The following ZNF718 variants were observed in gnomAD, a reference collection of about 807,000 sequenced individuals.
The protein encoded by ZNF718 is zinc finger protein 718.
A neutral mutation model predicts 2.6 loss-of-function variants in ZNF718; 3 were observed. That is an observed-to-expected ratio of 1.16 (90% CI 0.53 to 3.01). The LOEUF is 3.01. Among genes scored for constraint, ZNF718 ranks in the 30% most tolerant of loss-of-function variants. The probability of loss-of-function intolerance (pLI) is 0.03; values close to 1 mark genes in which losing one functional copy is unlikely to be tolerated. For synonymous variants in ZNF718, 135 were observed against 77.9 expected (o/e 1.73, Z -3.86); for missense variants, 468 against 230.0 (o/e 2.03, Z -6.69).
chr4:172,198 A>C (rs1457879983), intron 3 of ZNF718, among the ~76,000 whole-genome samples: 2 of 152,166 alleles, frequency 1.3e-5, no homozygotes, highest in Non-Finnish European at 2.9e-5. Context: ...TTTTTTTCTG[A>C]ATAAACAAGC....
At chr4:146,077 C>CTATATAGATATA (rs1716044580) in intron 3 of ZNF718, among the ~76,000 whole-genome samples, 1 of 143,030 alleles carries the variant, frequency 7.0e-6, no homozygotes, top group South Asian at 2.2e-4. Context: ...ATATAGCCTT[C>CTATATAGATATA]TATATATATA....
intron 3 of ZNF718, among the ~76,000 whole-genome samples, chr4:159,040 C>CTTTTTTTTTTTTTTTTTTTTT (rs201288037): frequency 7.3e-6 from 1 of 136,404 alleles, no homozygotes; most frequent in Non-Finnish European, 1.6e-5. Context: ...TTTCTTTTTT[C>CTTTTTTTTTTTTTTTTTTTTT]TTTTTTTTTT....
chr4:136,715 T>C (rs1715588348), intron 3 of ZNF718, among the ~76,000 whole-genome samples: 1 of 152,250 alleles, frequency 6.6e-6, no homozygotes, highest in Non-Finnish European at 1.5e-5. Flanking sequence ...ATTAGTATCT[T>C]ATTTCACTTA....
In ZNF718 at chr4:141,927, T is replaced by C. The variant is rs1581433750; in HGVS notation, c.226+10422T>C. On this transcript the variant is annotated intron_variant, in intron 3 of 3. Coordinates refer to ENST00000510175, the MANE Select transcript of ZNF718 (RefSeq NM_001039127.6). ...GTTATTTTCAATGCATGTTTTCTGTTGTATAAAAGCTTTACTATGCAAGGA... is the reference window on the plus strand; with the variant it reads ...GTTATTTTCAATGCATGTTTTCTGTCGTATAAAAGCTTTACTATGCAAGGA... The C allele has an allele frequency of 7.0e-6, 3 of 430,874 alleles. No individual in the cohort carries two copies. The East Asian group carries it at 1.8e-4, about 26-fold the overall frequency. 26.7% of individuals were successfully genotyped at this position (430,874 alleles called of 1,614,324 possible). A position where few individuals can be genotyped will look rare whatever the true frequency, so the allele number is the denominator to read the frequency against.
chr4:185,598 T>G (rs187712336), intron 3 of ZNF718, among the ~76,000 whole-genome samples: 35 of 152,330 alleles, frequency 2.3e-4, no homozygotes, highest in Non-Finnish European at 8.8e-5. Flanking sequence ...AATGGCTTGT[T>G]AAAGTACCCC....
At chr4:147,647 TC>T (rs1716126673) in intron 3 of ZNF718, among the ~76,000 whole-genome samples, 1 of 152,126 alleles carries the variant, frequency 6.6e-6, no homozygotes, top group African/African-American at 2.4e-5. Flanking sequence ...GTGAATTGCC[TC>T]AGCTCAGGAG....
At chr4:199,201 A>G (rs1309109477) in intron 3 of ZNF718, among the ~76,000 whole-genome samples, 3 of 152,290 alleles carry the variant, frequency 2.0e-5, no homozygotes, top group Non-Finnish European at 4.4e-5. Flanking sequence ...GGGGCATAAT[A>G]ACTGTGCCTC....
At chr4:160,773 G>A (rs1320779113) in intron 3 of ZNF718, 139 bp from the exon 4 acceptor site, 4 of 570,408 alleles carry the variant, frequency 7.0e-6, no homozygotes, top group Middle Eastern at 4.7e-4. Context: ...GGCTGGTCTC[G>A]AACTCCTTAC....
chr4:143,446 A>G (rs61792256), intron 3 of ZNF718, among the ~76,000 whole-genome samples: 27,592 of 152,102 alleles, frequency 0.18, 2,669 homozygotes, highest in Admixed American at 0.26. Context: ...TTAGCCTCCC[A>G]AAGTGCTAGG....
chr4:155,713 CTG>C (rs1332809218), intron 3 of ZNF718, among the ~76,000 whole-genome samples: 1 of 152,144 alleles, frequency 6.6e-6, no homozygotes, highest in South Asian at 2.1e-4. Flanking sequence ...TGAGACTTGA[CTG>C]TGGACTTGTG....
chr4:129,726 C>T lies in ZNF718; in HGVS notation c.4-1062C>T, dbSNP rs1457730645. Among the ~76,000 whole-genome samples, 3 of 102,298 alleles carry T rather than the reference C, an allele frequency of 2.9e-5. 1 individual carries two copies. In the East Asian group the frequency reaches 1.6e-3, roughly 55 times the overall value. 67.1% of individuals were successfully genotyped at this position (102,298 alleles called of 152,430 possible). A position where few individuals can be genotyped will look rare whatever the true frequency, so the allele number is the denominator to read the frequency against. ...TTCCTCTGAATTGCACTTAGCACTT[C>T]CTTTCTGTATCTGTCCCGTCTCTCT... On this transcript the variant is annotated intron_variant, in intron 1 of 3. Coordinates refer to ENST00000510175, the MANE Select transcript of ZNF718 (RefSeq NM_001039127.6).
intron 3 of ZNF718, among the ~76,000 whole-genome samples, chr4:193,643 G>A (rs1007132753): frequency 4.6e-5 from 7 of 152,128 alleles, no homozygotes; most frequent in Non-Finnish European, 8.8e-5. Flanking sequence ...GATAGTGACA[G>A]ATCTGGAGGA....
chr4:170,058 C>G (rs1717185725), intron 3 of ZNF718, among the ~76,000 whole-genome samples: 1 of 150,916 alleles, frequency 6.6e-6, no homozygotes, highest in Non-Finnish European at 1.5e-5. Flanking sequence ...GACAAAATCT[C>G]TCAGCATTTG....
At chr4:177,123 T>A (rs906295127) in intron 3 of ZNF718, among the ~76,000 whole-genome samples, 1 of 152,178 alleles carries the variant, frequency 6.6e-6, no homozygotes, top group Non-Finnish European at 1.5e-5. Context: ...TTTATCTAAT[T>A]TCCTTCCACA....
chr4:180,507 G>A (rs1287222806), intron 3 of ZNF718, among the ~76,000 whole-genome samples: 2 of 152,188 alleles, frequency 1.3e-5, no homozygotes, highest in African/African-American at 4.8e-5. Flanking sequence ...ATTTCACTCT[G>A]ACCAGATTAG....
At chr4:196,002 T>A (rs906983750) in intron 3 of ZNF718, among the ~76,000 whole-genome samples, 2 of 152,110 alleles carry the variant, frequency 1.3e-5, no homozygotes, top group Non-Finnish European at 2.9e-5. Context: ...TCTGCTTCTC[T>A]TTCCTCTCTC....
At chr4:196,578 A>G (rs1252250838) in intron 3 of ZNF718, among the ~76,000 whole-genome samples, 1 of 152,150 alleles carries the variant, frequency 6.6e-6, no homozygotes, top group Non-Finnish European at 1.5e-5. Flanking sequence ...GTCAGAAGGA[A>G]AGGTAGGGGT....
At chr4:187,281 C>G (rs1717588794) in intron 3 of ZNF718, among the ~76,000 whole-genome samples, 1 of 152,000 alleles carries the variant, frequency 6.6e-6, no homozygotes, top group Non-Finnish European at 1.5e-5. Context: ...AGCTGGAGTG[C>G]AGTGGTGTGA....
At chr4:148,191 A>G (rs1321621665) in intron 3 of ZNF718, among the ~76,000 whole-genome samples, 4 of 152,138 alleles carry the variant, frequency 2.6e-5, no homozygotes, top group African/African-American at 7.2e-5. Flanking sequence ...TTCAAGATTC[A>G]TAGTGGGAAT....
Sources: gnomAD v4.1 joint callset for allele counts (sites outside exome capture counted in the v4.1 genomes callset) on GRCh38, gnomAD v4.1.1 for gene constraint, MANE v1.5 for transcripts, NCBI Gene and HGNC (gene_info 2026-07-23, HGNC 2026-07-21) for gene names.